Variants in RPF2 observed in about 807,000 individuals in gnomAD.
RPF2 encodes the protein ribosome production factor 2 homolog.
A neutral mutation model predicts 38.9 loss-of-function variants in RPF2; 21 were observed. The ratio of observed to expected loss-of-function variants is 0.54; its 90% CI spans 0.38 to 0.78. RPF2 has a LOEUF of 0.78. Among genes scored for constraint, RPF2 ranks in the 30% least tolerant of loss-of-function variants. The pLI is 0.00. For missense variants in RPF2, 314 were observed against 358.1 expected, an observed-to-expected ratio of 0.88 and a Z score of 0.99; for synonymous variants, 121 against 126.2, an observed-to-expected ratio of 0.96 and a Z score of 0.28.
At chr6:111,000,720 C>T (rs1291984108) in intron 6 of RPF2, among the ~76,000 whole-genome samples, 1 of 152,138 alleles carries the variant, frequency 6.6e-6, no homozygotes, top group Non-Finnish European at 1.5e-5. Context: ...TTCACCTAGA[C>T]CTCATAGCAA....
chr6:111,016,415 A>G (rs1260017624), intron 8 of RPF2, among the ~76,000 whole-genome samples: 2 of 152,120 alleles, frequency 1.3e-5, no homozygotes, highest in Non-Finnish European at 2.9e-5. Flanking sequence ...CAACATGACG[A>G]AACCCCATCT....
chr6:111,008,045 A>T lies in RPF2; in HGVS notation c.401A>T (p.Lys134Ile), dbSNP rs754224144. The change falls in exon 7 of 10, where the codon AAA becomes ATA. Residue 134 changes from lysine to isoleucine, a missense_variant. Lys to Ile is a moderately radical substitution (Grantham distance 102). Coordinates refer to ENST00000441448, the MANE Select transcript of RPF2 (RefSeq NM_032194.3). Reference sequence around the variant, plus strand: ...TTTTTTTTTTTTTTTTAGAACAGTAAATGTCCTGAGGGAACAAAACCCATG... The same window carrying T: ...TTTTTTTTTTTTTTTTAGAACAGTATATGTCCTGAGGGAACAAAACCCATG... The part of the protein sequence containing the change: ...FVSLKDIKNS[K>I]CPEGTKPMLI... The T allele has an allele frequency of 2.5e-6, 4 of 1,581,910 alleles. No homozygotes were observed. The highest frequency in any genetic ancestry group is 3.4e-6 in the Non-Finnish European group (4 of 1,168,586).
intron 8 of RPF2, among the ~76,000 whole-genome samples, chr6:111,020,462 G>A (rs1456231034): frequency 6.6e-6 from 1 of 152,196 alleles, no homozygotes; most frequent in Non-Finnish European, 1.5e-5. Flanking sequence ...GTGTTGAACG[G>A]TTTCGCAGAA....
chr6:111,009,603 A>G (rs1471122901), intron 7 of RPF2, among the ~76,000 whole-genome samples: 1 of 152,198 alleles, frequency 6.6e-6, no homozygotes, highest in Non-Finnish European at 1.5e-5. Flanking sequence ...TGTTCTACAG[A>G]TAACCCACAC....
intron 2 of RPF2, among the ~76,000 whole-genome samples, chr6:110,987,436 GC>G (rs1430286727): frequency 6.6e-6 from 1 of 152,076 alleles, no homozygotes; most frequent in Non-Finnish European, 1.5e-5. Flanking sequence ...CCTTATATAG[GC>G]CCATCCCTTT....
intron 5 of RPF2, among the ~76,000 whole-genome samples, chr6:110,998,429 T>C (rs1050394937): frequency 6.7e-6 from 1 of 150,230 alleles, no homozygotes; most frequent in Non-Finnish European, 1.5e-5. Context: ...AGCTGATTAC[T>C]AGCTGCTGAT....
At chr6:110,982,274 C>T (rs1771445454) in intron 1 of RPF2, 145 bp downstream of exon 1, 1 of 880,056 alleles carries the variant, frequency 1.1e-6, no homozygotes, top group Non-Finnish European at 1.8e-6. Flanking sequence ...CCGGGTCCTC[C>T]TCAGCGCGAG....
intron 4 of RPF2, among the ~76,000 whole-genome samples, chr6:110,992,828 G>T (rs1221599953): frequency 1.3e-5 from 2 of 152,144 alleles, no homozygotes; most frequent in African/African-American, 2.4e-5. Flanking sequence ...TGTAATCCCA[G>T]CACTTTGGGA....
At chr6:110,986,182 C>A (rs1050088959) in intron 2 of RPF2, among the ~76,000 whole-genome samples, 1 of 152,126 alleles carries the variant, frequency 6.6e-6, no homozygotes, top group Non-Finnish European at 1.5e-5. Context: ...GAAGAGGAGG[C>A]ATGGGTCACA....
chr6:110,986,148 A>G (rs559772074), intron 2 of RPF2, among the ~76,000 whole-genome samples: 6 of 152,294 alleles, frequency 3.9e-5, no homozygotes, highest in Admixed American at 3.9e-4. Flanking sequence ...GCATGGCCAA[A>G]GGAGAGTGGG....
At chr6:110,984,452 G>A (rs367591166) in intron 1 of RPF2, among the ~76,000 whole-genome samples, 1 of 152,014 alleles carries the variant, frequency 6.6e-6, no homozygotes, top group African/African-American at 2.4e-5. Flanking sequence ...ATAAAAGAAT[G>A]GTGGGAATAC....
intron 4 of RPF2, among the ~76,000 whole-genome samples, chr6:110,993,334 AAG>A (rs1771653316): frequency 6.6e-6 from 1 of 152,196 alleles, no homozygotes; most frequent in Non-Finnish European, 1.5e-5. Context: ...ATTTAAAAGA[AAG>A]AAATTAATCT....
At chr6:111,024,696 G>A (rs1043111131) in intron 9 of RPF2, among the ~76,000 whole-genome samples, 1 of 135,836 alleles carries the variant, frequency 7.4e-6, no homozygotes, top group African/African-American at 2.8e-5. Flanking sequence ...GTGGGTGACA[G>A]AGTGAGCCAA....
Position 111,025,492 on chromosome 6 carries a change from A to C in RPF2, c.831A>C (p.Gln277His), listed in dbSNP as rs750303546. Residue 277 changes from glutamine (Q) to histidine (H), a missense_variant, in exon 10 of 10, where the codon CAA becomes CAC. Gln to His is a conservative substitution (Grantham distance 24, BLOSUM62 0). Coordinates refer to ENST00000441448, the MANE Select transcript of RPF2 (RefSeq NM_032194.3). ...AGAAGCAAGACCTAAGCAAACTACA[A>C]ACCAGGAAAATGAAGGGGTTGAAGA... ...HMQKQDLSKL[Q>H]TRKMKGLKKR... 6.2e-7 allele frequency: 1 copy of C among 1,613,758 alleles called. No individual in the cohort carries two copies. Among genetic ancestry groups the C allele is most frequent in the African/African-American group, 1.3e-5 (1 of 74,916 alleles).
chr6:111,026,501 C>G lies in RPF2; in HGVS notation c.*919C>G, dbSNP rs1269701134. 6.6e-6 allele frequency: 1 copy of G among 152,250 alleles called. No individual in the cohort carries two copies. The highest frequency in any genetic ancestry group is 6.6e-5 in the Admixed American group (1 of 15,262). 9.4% of individuals were successfully genotyped at this position (152,250 alleles called of 1,614,324 possible). A position where few individuals can be genotyped will look rare whatever the true frequency, so the allele number is the denominator to read the frequency against. ...ACAGATGTTGGTCCACTGCACCTGG[C>G]AGAAAAGAAGTTTTGATAGGGGCAG... is the stretch of plus-strand genomic sequence containing the variant. On this transcript the variant is annotated 3_prime_UTR_variant, in exon 10 of 10. Transcript: ENST00000441448.
intron 2 of RPF2, among the ~76,000 whole-genome samples, chr6:110,985,705 C>T (rs567452133): frequency 2.0e-5 from 3 of 151,890 alleles, no homozygotes; most frequent in Non-Finnish European, 2.9e-5. Flanking sequence ...TTTGGGAGGC[C>T]GAGGCAGGAG....
intron 4 of RPF2, among the ~76,000 whole-genome samples, chr6:110,992,620 CAG>C (rs1468219609): frequency 6.6e-6 from 1 of 152,078 alleles, no homozygotes; most frequent in Non-Finnish European, 1.5e-5. Flanking sequence ...TTATTGCTAA[CAG>C]ATGTCAGTTG....
At chr6:111,011,077 G>A (rs1772004450) in intron 7 of RPF2, among the ~76,000 whole-genome samples, 1 of 152,106 alleles carries the variant, frequency 6.6e-6, no homozygotes, top group Non-Finnish European at 1.5e-5. Flanking sequence ...GTAAGGCCAA[G>A]TTGAAACCCA....
At chr6:111,024,896 A>G (rs1223538103) in intron 9 of RPF2, among the ~76,000 whole-genome samples, 1 of 152,182 alleles carries the variant, frequency 6.6e-6, no homozygotes, top group Non-Finnish European at 1.5e-5. Flanking sequence ...TGTTTTCAGC[A>G]AAAGAAAGAG....
Sources: allele counts gnomAD v4.1 joint callset (sites outside exome capture counted in the v4.1 genomes callset), GRCh38; gene constraint gnomAD v4.1.1; transcripts MANE v1.5; gene names NCBI Gene and HGNC (gene_info 2026-07-23, HGNC 2026-07-21).